Variants in SH3BGRL2 observed in about 807,000 individuals in gnomAD.
SH3BGRL2 encodes SH3 domain-binding glutamic acid-rich-like protein 2.
A neutral mutation model predicts 14.8 loss-of-function variants in SH3BGRL2; 21 were observed. That is an observed-to-expected ratio of 1.42 (90% CI 1.01 to 2.05). SH3BGRL2 has a LOEUF of 2.05. Ranked by LOEUF, SH3BGRL2 falls within the 30% of genes most tolerant of loss-of-function variation. The pLI, the probability that SH3BGRL2 is intolerant of heterozygous loss-of-function variation, is 0.00. For synonymous variants in SH3BGRL2, 50 were observed against 47.8 expected, an observed-to-expected ratio of 1.05 and a Z score of -0.19; for missense variants, 147 against 130.8, an observed-to-expected ratio of 1.12 and a Z score of -0.61.
chr6:79,603,357 T>C, the SH3BGRL2 span, among the ~76,000 whole-genome samples: 1 of 152,210 alleles, frequency 6.6e-6, no homozygotes, highest in East Asian at 1.9e-4. Flanking sequence ...GAGGCTATTG[T>C]TTTTATTTGA....
upstream of SH3BGRL2, among the ~76,000 whole-genome samples, chr6:79,631,017 T>C (rs1353490884): frequency 6.6e-6 from 1 of 152,184 alleles, no homozygotes; most frequent in East Asian, 1.9e-4. Flanking sequence ...TAAACCACAA[T>C]ACAGAACCCA....
the SH3BGRL2 span, among the ~76,000 whole-genome samples, chr6:79,612,287 TGA>T: frequency 6.6e-6 from 1 of 152,108 alleles, no homozygotes; most frequent in African/African-American, 2.4e-5. Flanking sequence ...GGCAACAGCG[TGA>T]GACTCTGTCT....
intron 2 of SH3BGRL2, among the ~76,000 whole-genome samples, chr6:79,691,212 G>A (rs1770207224): frequency 6.6e-6 from 1 of 152,122 alleles, no homozygotes; most frequent in Non-Finnish European, 1.5e-5. Context: ...GCTAGGCCAT[G>A]TAGGGCCTTT....
chr6:79,542,701 G>A, the SH3BGRL2 span, among the ~76,000 whole-genome samples: 1 of 152,168 alleles, frequency 6.6e-6, no homozygotes, highest in Non-Finnish European at 1.5e-5. Flanking sequence ...TGGGAGTTAG[G>A]GAGAAGTTCC....
chr6:79,590,424 G>GATATATATATAT, the SH3BGRL2 span, among the ~76,000 whole-genome samples: 766 of 66,430 alleles, frequency 0.012, 24 homozygotes, highest in Middle Eastern at 0.02. Context: ...AAGAAAATGT[G>GATATATATATAT]ATATATATAT....
chr6:79,689,182 A>T (rs1414113499), intron 2 of SH3BGRL2, among the ~76,000 whole-genome samples: 2 of 151,408 alleles, frequency 1.3e-5, no homozygotes, highest in African/African-American at 4.8e-5. Context: ...TTTCAAGCTA[A>T]TTACCAAATT....
At chr6:79,615,853 CAA>C in the SH3BGRL2 span, among the ~76,000 whole-genome samples, 1 of 65,974 alleles carries the variant, frequency 1.5e-5, no homozygotes, top group Non-Finnish European at 3.0e-5. Flanking sequence ...TTTTTTTAGA[CAA>C]GAGTTTTGCT....
chr6:79,587,035 A>G, the SH3BGRL2 span, among the ~76,000 whole-genome samples: 1 of 152,192 alleles, frequency 6.6e-6, no homozygotes, highest in Non-Finnish European at 1.5e-5. Context: ...CTAGACCCCC[A>G]GGTGGTCCTG....
chr6:79,645,642 T>C (rs1769126303), intron 1 of SH3BGRL2, among the ~76,000 whole-genome samples: 1 of 152,228 alleles, frequency 6.6e-6, no homozygotes, highest in Admixed American at 6.5e-5. Flanking sequence ...AACCATAAGA[T>C]TATATCGAGA....
intron 3 of SH3BGRL2, among the ~76,000 whole-genome samples, chr6:79,697,851 C>T (rs757830214): frequency 2.6e-5 from 4 of 152,278 alleles, no homozygotes; most frequent in Admixed American, 6.5e-5. Context: ...ATAAATCCAG[C>T]GGGCATCATT....
At chr6:79,676,090 A>G (rs745792039) in intron 2 of SH3BGRL2, among the ~76,000 whole-genome samples, 13 of 151,780 alleles carry the variant, frequency 8.6e-5, no homozygotes, top group Non-Finnish European at 1.8e-4. Flanking sequence ...TGGTGGTTTA[A>G]TTTTTCTGGA....
chr6:79,631,600 A>C (rs139243643), intron 1 of SH3BGRL2, 94 bp downstream of exon 1: 106,103 of 1,046,668 alleles, frequency 0.1, 5,867 homozygotes, highest in Non-Finnish European at 0.11. Flanking sequence ...CCTTGCGCTC[A>C]GCCGGTCCGC....
At chr6:79,694,442 A>G (rs1263713023) in intron 2 of SH3BGRL2, among the ~76,000 whole-genome samples, 2 of 152,234 alleles carry the variant, frequency 1.3e-5, no homozygotes, top group Non-Finnish European at 2.9e-5. Flanking sequence ...TAACATTTTC[A>G]GTCCATGAGA....
intron 2 of SH3BGRL2, among the ~76,000 whole-genome samples, chr6:79,683,235 C>T (rs1432136995): frequency 6.6e-6 from 1 of 152,038 alleles, no homozygotes; most frequent in Admixed American, 6.6e-5. Flanking sequence ...GGCAAGATGT[C>T]TCATTTCCAT....
the SH3BGRL2 span, among the ~76,000 whole-genome samples, chr6:79,551,647 C>T: frequency 6.6e-6 from 1 of 152,210 alleles, no homozygotes; most frequent in South Asian, 2.1e-4. Flanking sequence ...GCTAAACATA[C>T]ATACTCAACT....
At chr6:79,620,599 A>G in the SH3BGRL2 span, among the ~76,000 whole-genome samples, 3 of 152,020 alleles carry the variant, frequency 2.0e-5, no homozygotes, top group Non-Finnish European at 4.4e-5. Flanking sequence ...TGAAGTAATG[A>G]TAATTTCCCA....
intron 1 of SH3BGRL2, among the ~76,000 whole-genome samples, chr6:79,637,640 C>T (rs537340826): frequency 4.0e-5 from 6 of 151,498 alleles, no homozygotes; most frequent in South Asian, 2.1e-4. Context: ...TTGCATGAGC[C>T]GAGATTGTGC....
the SH3BGRL2 span, among the ~76,000 whole-genome samples, chr6:79,606,120 G>C: frequency 6.6e-6 from 1 of 152,112 alleles, no homozygotes; most frequent in African/African-American, 2.4e-5. Flanking sequence ...GACATGGCCA[G>C]ATGGAGTGGC....
chr6:79,561,024 G>C, the SH3BGRL2 span: 1 of 151,598 alleles, frequency 6.6e-6, no homozygotes, highest in Non-Finnish European at 1.5e-5. Context: ...GGGATTACAG[G>C]CATGCGCCAC....
Sources: gnomAD v4.1 joint callset for allele counts (sites outside exome capture counted in the v4.1 genomes callset) on GRCh38, gnomAD v4.1.1 for gene constraint, MANE v1.5 for transcripts, NCBI Gene and HGNC (gene_info 2026-07-23, HGNC 2026-07-21) for gene names.